Variants in PXDNL observed in about 807,000 individuals in gnomAD.
PXDNL encodes the protein probable oxidoreductase PXDNL.
A neutral mutation model predicts 150.8 loss-of-function variants in PXDNL; 145 were observed. That is an observed-to-expected ratio of 0.96 (90% CI 0.84 to 1.10). PXDNL has a LOEUF of 1.10. Ranked by LOEUF, PXDNL falls within the 50% of genes least tolerant of loss-of-function variation. PXDNL has a pLI of 0.00. For missense variants in PXDNL, 2,087 were observed against 1,873.9 expected (o/e 1.11, Z -2.10); for synonymous variants, 757 against 725.7 (o/e 1.04, Z -0.69).
At chr8:51,529,928 A>G (rs563132715) in intron 4 of PXDNL, among the ~76,000 whole-genome samples, 2 of 152,088 alleles carry the variant, frequency 1.3e-5, no homozygotes, top group South Asian at 4.2e-4. Context: ...CAAGATGCCT[A>G]TAGCAATCCC....
At chr8:51,608,054 A>AAAGAAAGAAAGAAAGAAAGC (rs1554557536) in intron 2 of PXDNL, among the ~76,000 whole-genome samples, 56 of 111,696 alleles carry the variant, frequency 5.0e-4, no homozygotes, top group Non-Finnish European at 5.6e-4. Context: ...AGAAAGAAAG[A>AAAGAAAGAAAGAAAGAAAGC]AAGCAAGCAA....
At position 51,745,317 on chromosome 8, in the gene PXDNL, C is replaced by A. The variant is rs74896009; in HGVS notation, c.164+63864G>T. Among the ~76,000 whole-genome samples, 957 of 152,228 alleles carry A rather than the reference C, an allele frequency of 6.3e-3. 6 individuals are homozygous for A. The highest frequency in any genetic ancestry group is 9.1e-3 in the Non-Finnish European group (619 of 68,020). On this transcript the variant is annotated intron_variant, in intron 1 of 22. Transcript: ENST00000356297. ...AGCTTTCAAAAAACCTCAAACCCTA[C>A]TCAAAGAAAAAATAATACAAAACAA...
At chr8:51,440,502 A>G (rs1809517338) in intron 12 of PXDNL, among the ~76,000 whole-genome samples, 1 of 152,162 alleles carries the variant, frequency 6.6e-6, no homozygotes, top group African/African-American at 2.4e-5. Context: ...GGATATTACC[A>G]GTGAAACATC....
chr8:51,483,507 C>T (rs990334694), intron 6 of PXDNL, 136 bp downstream of exon 6: 6 of 672,782 alleles, frequency 8.9e-6, no homozygotes, highest in Non-Finnish European at 1.3e-5. Flanking sequence ...GTTAACAAAA[C>T]CATTTTCTCC....
At chr8:51,597,977 G>A (rs1813612237) in intron 2 of PXDNL, among the ~76,000 whole-genome samples, 1 of 152,130 alleles carries the variant, frequency 6.6e-6, no homozygotes, top group African/African-American at 2.4e-5. Flanking sequence ...GCCTCCCAAA[G>A]TACTGGGATT....
At chr8:51,740,344 C>T (rs1329946447) in intron 1 of PXDNL, among the ~76,000 whole-genome samples, 2 of 152,118 alleles carry the variant, frequency 1.3e-5, no homozygotes, top group Non-Finnish European at 2.9e-5. Context: ...TGGGTATATA[C>T]CCAGTAATAA....
At chr8:51,392,957 C>T (rs1807958657) in intron 17 of PXDNL, among the ~76,000 whole-genome samples, 1 of 152,172 alleles carries the variant, frequency 6.6e-6, no homozygotes, top group South Asian at 2.1e-4. Flanking sequence ...AGTAGTCTCA[C>T]TTACAGCCAT....
At chr8:51,649,274 C>A (rs1472097208) in intron 2 of PXDNL, among the ~76,000 whole-genome samples, 1 of 152,176 alleles carries the variant, frequency 6.6e-6, no homozygotes, top group Non-Finnish European at 1.5e-5. Context: ...GTCATTTTCT[C>A]ATGAATCTGA....
intron 4 of PXDNL, among the ~76,000 whole-genome samples, chr8:51,537,962 C>T (rs1228616443): frequency 1.3e-5 from 2 of 152,186 alleles, no homozygotes; most frequent in Non-Finnish European, 1.5e-5. Flanking sequence ...GAAAAGGATG[C>T]TCTCACAACT....
At chr8:51,700,251 A>C (rs1186608939) in intron 1 of PXDNL, among the ~76,000 whole-genome samples, 4 of 103,988 alleles carry the variant, frequency 3.8e-5, no homozygotes, top group Non-Finnish European at 7.2e-5. Flanking sequence ...CCACACATAT[A>C]CACTCAAACA....
chr8:51,623,884 A>G (rs1429900870), intron 2 of PXDNL, among the ~76,000 whole-genome samples: 3 of 152,130 alleles, frequency 2.0e-5, no homozygotes, highest in Non-Finnish European at 4.4e-5. Flanking sequence ...ACTTCAGGCC[A>G]GGAGTTGGAG....
At chr8:51,459,830 A>G (rs1343892330) in intron 8 of PXDNL, among the ~76,000 whole-genome samples, 1 of 152,262 alleles carries the variant, frequency 6.6e-6, no homozygotes, top group Non-Finnish European at 1.5e-5. Context: ...TAATGAAGAC[A>G]TACAAATAAC....
chr8:51,329,546 T>C (rs892469193), intron 21 of PXDNL, among the ~76,000 whole-genome samples: 2 of 152,008 alleles, frequency 1.3e-5, no homozygotes, highest in Non-Finnish European at 1.5e-5. Context: ...AAAACAAGCA[T>C]CAGAAGCAGA....
chr8:51,673,038 G>C, intron 1 of PXDNL, among the ~76,000 whole-genome samples: 1 of 151,848 alleles, frequency 6.6e-6, no homozygotes, highest in East Asian at 1.9e-4. Context: ...AAATCTGAGG[G>C]GTGTTAAATT....
intron 17 of PXDNL, among the ~76,000 whole-genome samples, chr8:51,394,311 G>C (rs1808008703): frequency 6.6e-6 from 1 of 152,154 alleles, no homozygotes; most frequent in African/African-American, 2.4e-5. Flanking sequence ...TACTATTAGA[G>C]TAAAGCTATC....
At chr8:51,436,511 CTGTT>C (rs1809412008) in intron 12 of PXDNL, 1 of 295,274 alleles carries the variant, frequency 3.4e-6, no homozygotes, top group Non-Finnish European at 7.0e-6. Context: ...TGTGATCCCA[CTGTT>C]CAGACCACAG....
intron 1 of PXDNL, among the ~76,000 whole-genome samples, chr8:51,772,387 A>G (rs1467096572): frequency 1.3e-5 from 2 of 152,078 alleles, no homozygotes; most frequent in Non-Finnish European, 2.9e-5. Flanking sequence ...TTCAGGATCC[A>G]ATTTATTTTT....
intron 12 of PXDNL, among the ~76,000 whole-genome samples, chr8:51,434,846 T>C (rs1039343424): frequency 2.0e-5 from 3 of 152,186 alleles, no homozygotes; most frequent in Non-Finnish European, 4.4e-5. Flanking sequence ...ATTTTAGCAT[T>C]CTATAGATTG....
At chr8:51,592,761 T>C (rs1159680868) in intron 2 of PXDNL, 63 bp from the exon 3 acceptor site, 13 of 1,233,160 alleles carry the variant, frequency 1.1e-5, no homozygotes, top group East Asian at 5.1e-5. Flanking sequence ...AACATTAAAA[T>C]AGTTCTGCTA....
Sources: allele counts gnomAD v4.1 joint callset (sites outside exome capture counted in the v4.1 genomes callset), GRCh38; gene constraint gnomAD v4.1.1; transcripts MANE v1.5; gene names NCBI Gene and HGNC (gene_info 2026-07-23, HGNC 2026-07-21).